Variants in ZNF462 observed in about 807,000 individuals in gnomAD.
ZNF462 encodes zinc finger PBX1-interacting protein.
A neutral mutation model predicts 201.9 loss-of-function variants in ZNF462; 10 were observed. That is an observed-to-expected ratio of 0.05 (90% confidence interval 0.03 to 0.08). ZNF462 has a LOEUF of 0.08. ZNF462 is among the 10% of genes least tolerant of loss of function. The pLI is 1.00. For missense variants in ZNF462, 2,523 were observed against 3,168.3 expected (o/e 0.80, Z 4.89); for synonymous variants, 1,227 against 1,193.3 (o/e 1.03, Z -0.58).
At position 106,880,066 on chromosome 9, in the gene ZNF462, A is replaced by C. The variant is rs901795657; in HGVS notation, c.-31+16711A>C. On this transcript the variant is annotated intron_variant, in intron 1 of 12. Coordinates refer to ENST00000277225, the MANE Select transcript of ZNF462 (RefSeq NM_021224.6). The surrounding 1 kb of genome is among the most constrained non-coding windows in gnomAD (Gnocchi z 4.1). ...CTGAGACTGTGTTCTATATGCATTC[A>C]AGGCATGGAGTATTCCAGAGCTTTC... is the stretch of plus-strand genomic sequence containing the variant. Among the ~76,000 whole-genome samples the C allele has an allele frequency of 6.6e-6, 1 of 152,144 alleles. No homozygotes were observed. The highest frequency in any genetic ancestry group is 2.4e-5 in the African/African-American group (1 of 41,436).
chr9:106,994,977 C>G (rs1415211928), intron 10 of ZNF462, among the ~76,000 whole-genome samples: 1 of 152,126 alleles, frequency 6.6e-6, no homozygotes, highest in Non-Finnish European at 1.5e-5. Flanking sequence ...TTAAATAAAT[C>G]AATAAATGAA....
chr9:107,005,224 T>C lies in ZNF462; in HGVS notation c.7189+1798T>C, dbSNP rs1190113474. Among the ~76,000 whole-genome samples, 2 of 152,172 alleles carry C rather than the reference T, an allele frequency of 1.3e-5. No individual in the cohort carries two copies. Among genetic ancestry groups the C allele is most frequent in the Non-Finnish European group, 1.5e-5 (1 of 68,030 alleles). On this transcript the variant is annotated intron_variant, in intron 11 of 12. Coordinates refer to ENST00000277225, the MANE Select transcript of ZNF462 (RefSeq NM_021224.6). This position sits in a 1 kb window ranked among gnomAD's most constrained non-coding sequence, Gnocchi z 4.4. ...ATCCTGCTTTCATTTCCTTTGGATA[T>C]ACCTAGGAGTGGGATTGCTAGATCA... is the stretch of plus-strand genomic sequence containing the variant.
At chr9:106,971,926 C>G (rs1289929337) in intron 7 of ZNF462, 79 bp from the exon 8 acceptor site, 4 of 1,513,500 alleles carry the variant, frequency 2.6e-6, no homozygotes, top group Non-Finnish European at 3.5e-6. Context: ...TAAAAAGAAA[C>G]CTGATGTCAG....
Position 106,972,103 on chromosome 9 carries a change from C to A in ZNF462, c.6526C>A (p.Leu2176Ile), listed in dbSNP as rs562437348. The part of the protein sequence containing the change: ...RNNSRVSPVP[L>I]SGAAAGTEQK... Reference sequence around the variant, plus strand: ...CAACAGCCGTGTTAGCCCTGTGCCTCTTTCTGGGGCTGCTGCTGGCACTGA... The same window carrying A: ...CAACAGCCGTGTTAGCCCTGTGCCTATTTCTGGGGCTGCTGCTGGCACTGA... Residue 2176 changes from leucine (L) to isoleucine (I), a missense_variant, in exon 8 of 13, where the codon CTT becomes ATT. Leu to Ile is a conservative substitution (Grantham distance 5). Around this residue, in one of 15 missense-constraint regions of ZNF462, gnomAD observed 228 missense variants for 361.2 expected, o/e 0.63. Transcript: ENST00000277225. The surrounding 1 kb of genome is among the most constrained non-coding windows in gnomAD (Gnocchi z 4.8). The A allele has an allele frequency of 6.2e-7, 1 of 1,614,208 alleles. No homozygotes were observed. The highest frequency in any genetic ancestry group is 1.1e-5 in the South Asian group (1 of 91,088).
intron 10 of ZNF462, among the ~76,000 whole-genome samples, chr9:106,994,602 C>A (rs1482367457): frequency 6.6e-6 from 1 of 152,092 alleles, no homozygotes; most frequent in African/African-American, 2.4e-5. Context: ...GAAGACTATG[C>A]CATTTCGTTT....
rs1289327142 is a variant in ZNF462, at chr9:106,972,523, T to G, written c.6695+251T>G. Among the ~76,000 whole-genome samples the G allele has an allele frequency of 6.6e-6, 1 of 152,126 alleles. No homozygotes were observed. Among genetic ancestry groups the G allele is most frequent in the Non-Finnish European group, 1.5e-5 (1 of 68,010 alleles). ...TTGGAGCAAATGGGCTCTCAAGTAG[T>G]GTAAGATTGAAGCAAATGATTTCCT... On this transcript the variant is annotated intron_variant, in intron 8 of 12. Coordinates refer to ENST00000277225, the MANE Select transcript of ZNF462 (RefSeq NM_021224.6). The surrounding 1 kb of genome is among the most constrained non-coding windows in gnomAD (Gnocchi z 4.8).
intron 10 of ZNF462, among the ~76,000 whole-genome samples, chr9:106,989,640 G>A (rs1159308392): frequency 6.6e-6 from 1 of 151,974 alleles, no homozygotes; most frequent in African/African-American, 2.4e-5. Flanking sequence ...ACCAATTCTG[G>A]TAGAATTCTG....
At position 106,905,069 on chromosome 9, in the gene ZNF462, C is replaced by G. The variant is rs1365970687; in HGVS notation, c.-30-18285C>G. ...GGGTAGGCTCTGTCAGAGGGAAGGTCTATGGCTGAAGACTGTTGTTCAGAT... is the reference window on the plus strand; with the variant it reads ...GGGTAGGCTCTGTCAGAGGGAAGGTGTATGGCTGAAGACTGTTGTTCAGAT... On this transcript the variant is annotated intron_variant, in intron 1 of 12. Transcript: ENST00000277225. The surrounding 1 kb of genome is among the most constrained non-coding windows in gnomAD (Gnocchi z 5.9). Among the ~76,000 whole-genome samples the G allele has an allele frequency of 6.6e-6, 1 of 152,158 alleles. No individual in the cohort carries two copies. The highest frequency in any genetic ancestry group is 2.4e-5 in the African/African-American group (1 of 41,428).
chr9:107,010,813 G>A lies in ZNF462; in HGVS notation c.7314-10G>A, dbSNP rs1365213747. ...ATACTCATCTGTCTCTTCGATAAAT[G>A]TTTTTCCAGGGCATTGAATGACACC... On this transcript the variant is annotated splice_polypyrimidine_tract_variant and intron_variant, in intron 12 of 12. Coordinates refer to ENST00000277225, the MANE Select transcript of ZNF462 (RefSeq NM_021224.6). The surrounding 1 kb of genome is among the most constrained non-coding windows in gnomAD (Gnocchi z 4.6). The A allele has an allele frequency of 2.5e-6, 4 of 1,608,774 alleles. No homozygotes were observed. The East Asian group carries it at 6.8e-5, about 27-fold the overall frequency.
chr9:106,940,027 A>G (rs1416496457), intron 7 of ZNF462, among the ~76,000 whole-genome samples: 1 of 152,186 alleles, frequency 6.6e-6, no homozygotes, highest in Non-Finnish European at 1.5e-5. Context: ...GTCTCCCAAG[A>G]TCTACTGTTA....
At chr9:106,875,622 A>G (rs1430403948) in intron 1 of ZNF462, among the ~76,000 whole-genome samples, 1 of 152,196 alleles carries the variant, frequency 6.6e-6, no homozygotes, top group Non-Finnish European at 1.5e-5. Flanking sequence ...AGTATAAAAA[A>G]GAACGTGTCA....
chr9:106,994,292 G>A (rs1425233397), intron 10 of ZNF462, among the ~76,000 whole-genome samples: 1 of 152,104 alleles, frequency 6.6e-6, no homozygotes, highest in Non-Finnish European at 1.5e-5. Flanking sequence ...ATTAAGCTCA[G>A]AAGGAATCAT....
chr9:106,980,461 A>G (rs576556097), intron 9 of ZNF462, among the ~76,000 whole-genome samples: 59 of 152,274 alleles, frequency 3.9e-4, no homozygotes, highest in African/African-American at 1.3e-3. Context: ...TGTGCCTTTC[A>G]GGAAGGATTT....
chr9:107,002,467 G>A (rs1164745236), intron 10 of ZNF462, among the ~76,000 whole-genome samples: 1 of 152,200 alleles, frequency 6.6e-6, no homozygotes, highest in African/African-American at 2.4e-5. Flanking sequence ...GATTCATGAT[G>A]AAGGTAAATT....
In ZNF462 at chr9:106,923,315, T is replaced by C; in HGVS notation, c.-30-39T>C. 1 of 1,481,498 alleles carries C rather than the reference T, an allele frequency of 6.7e-7. No individual in the cohort carries two copies. Among genetic ancestry groups the C allele is most frequent in the Non-Finnish European group, 9.4e-7 (1 of 1,061,476 alleles). The allele number at this position is 1,481,498 out of a possible 1,614,324, so 91.8% of individuals were successfully genotyped here. On this transcript the variant is annotated intron_variant, in intron 1 of 12. Transcript: ENST00000277225. This position sits in a 1 kb window ranked among gnomAD's most constrained non-coding sequence, Gnocchi z 5.6. ...CCATCAGCTCGAGGTATGTGATTAG[T>C]GCATTCCTTAAGATGTTTTGTTCTG...
chr9:106,947,528 C>T (rs1007334153), intron 7 of ZNF462, among the ~76,000 whole-genome samples: 4 of 152,154 alleles, frequency 2.6e-5, no homozygotes, highest in Non-Finnish European at 5.9e-5. Flanking sequence ...GTTTACATAA[C>T]GGTTCTGCAT....
intron 10 of ZNF462, chr9:106,995,388 G>A (rs2132488810): frequency 6.6e-6 from 1 of 152,192 alleles, no homozygotes; most frequent in South Asian, 2.1e-4. Flanking sequence ...CGGAAAGGAT[G>A]CTACTGTTCT....
Position 106,963,914 on chromosome 9 carries a change from G to C in ZNF462, c.6428-8091G>C, listed in dbSNP as rs1248948670. Among the ~76,000 whole-genome samples the C allele has an allele frequency of 2.6e-5, 4 of 151,970 alleles. No homozygotes were observed. Among genetic ancestry groups the C allele is most frequent in the Non-Finnish European group, 4.4e-5 (3 of 67,950 alleles). On this transcript the variant is annotated intron_variant, in intron 7 of 12. Transcript: ENST00000277225. This position sits in a 1 kb window ranked among gnomAD's most constrained non-coding sequence, Gnocchi z 4.7. ...CTGTATGGGTTTGACTGCTCTAGGT[G>C]CCTCATGGAAGTGGCATCGTGCAGT... is the stretch of plus-strand genomic sequence containing the variant.
rs1002344894 is a variant in ZNF462 at position 106,927,396 on chromosome 9, G to A, written c.3484G>A (p.Gly1162Arg). ...PTAAMMRGVE[G>R]PQGSPRPPAP... ...AGCTGCAATGATGAGAGGGGTCGAA[G>A]GGCCCCAAGGCTCCCCCCGGCCACC... The change falls in exon 3 of 13, where the codon GGG becomes AGG. Residue 1162 changes from glycine (G) to arginine (R), a missense_variant. Physicochemically the swap from Gly to Arg is moderately radical, Grantham distance 125 (BLOSUM62 -2). Around this residue, in one of 15 missense-constraint regions of ZNF462, gnomAD observed 222 missense variants for 271.6 expected, o/e 0.82. Coordinates refer to ENST00000277225, the MANE Select transcript of ZNF462 (RefSeq NM_021224.6). 1 of 1,613,806 alleles carries A rather than the reference G, an allele frequency of 6.2e-7. No individual in the cohort carries two copies. Among genetic ancestry groups the A allele is most frequent in the African/African-American group, 1.3e-5 (1 of 74,838 alleles).
Sources: allele counts gnomAD v4.1 joint callset (sites outside exome capture counted in the v4.1 genomes callset), GRCh38; gene constraint gnomAD v4.1.1; regional missense constraint gnomAD v4.1.1; non-coding constraint Gnocchi (gnomAD v3.1); transcripts MANE v1.5; gene names NCBI Gene and HGNC (gene_info 2026-07-23, HGNC 2026-07-21).